The following PMM1 variants were observed in gnomAD, a reference collection of about 807,000 sequenced individuals.
The protein encoded by PMM1 is brain glucose-1,6-bisphosphatase.
A neutral mutation model predicts 34.0 loss-of-function variants in PMM1; 25 were observed. The ratio of observed to expected loss-of-function variants is 0.73; its 90% CI spans 0.54 to 1.03. The LOEUF is 1.03. Among genes scored for constraint, PMM1 ranks in the 50% least tolerant of loss-of-function variants. The pLI is 0.00. For synonymous variants in PMM1, 134 were observed against 143.9 expected (o/e 0.93, Z 0.49); for missense variants, 321 against 350.1 (o/e 0.92, Z 0.66).
chr22:41,584,872 A>G (rs1360741208), intron 2 of PMM1: 1 of 412,606 alleles, frequency 2.4e-6, no homozygotes, highest in Non-Finnish European at 4.4e-6. Context: ...CTTCCCTGCC[A>G]CTCATCCTCC....
chr22:41,584,014 G>C lies in PMM1; in HGVS notation c.419C>G (p.Pro140Arg). The C allele has an allele frequency of 6.2e-7, 1 of 1,614,050 alleles. No homozygotes were observed. The highest frequency in any genetic ancestry group is 2.2e-5 in the East Asian group (1 of 44,888). ...CTCCAGGGTGCAGCTCCGGCCGATG[G>C]GCGAGATGTTCAGCATGCCATTCCG... ...EFRNGMLNIS[P>R]IGRSCTLEER... is the part of the protein sequence containing the mutation. Residue 140 changes from proline (P) to arginine (R), a missense_variant, in exon 5 of 8, where the codon CCC becomes CGC. By Grantham distance (103) the Pro-to-Arg change is moderately radical. Transcript: ENST00000216259.
rs191113639 is a variant in PMM1 at position 41,578,896 on chromosome 22, G to C, written c.475-15C>G. On this transcript the variant is annotated splice_polypyrimidine_tract_variant and intron_variant, in intron 5 of 7. Coordinates refer to ENST00000216259, the MANE Select transcript of PMM1 (RefSeq NM_002676.3). ...ATCTTCTCTTTCTGCAGAGGGGAGG[G>C]AGCGGATGGCAGCTCAGAGGACCTG... is the stretch of plus-strand genomic sequence containing the variant. 1.2e-6 allele frequency: 2 copies of C among 1,612,544 alleles called. No individual in the cohort carries two copies. The highest frequency in any genetic ancestry group is 2.7e-5 in the African/African-American group (2 of 74,912).
At position 41,577,239 on chromosome 22, in the gene PMM1, C is replaced by CAT. The variant is rs779592739; in HGVS notation, c.*77_*78dup. On this transcript the variant is annotated 3_prime_UTR_variant, in exon 8 of 8. Coordinates refer to ENST00000216259, the MANE Select transcript of PMM1 (RefSeq NM_002676.3). Reference sequence around the variant, plus strand: ...TCCTGGGCCAGAGGAGGGGCCCTGGCATCTATCCAACACCAGGACCTCTCT... The same window carrying CAT: ...TCCTGGGCCAGAGGAGGGGCCCTGGCATATCTATCCAACACCAGGACCTCTCT... The CAT allele has an allele frequency of 7.0e-6, 11 of 1,577,816 alleles. No homozygotes were observed. The highest frequency in any genetic ancestry group is 8.7e-6 in the Non-Finnish European group (10 of 1,154,438).
In PMM1 at chr22:41,577,824, C is replaced by G. The variant is rs776025809; in HGVS notation, c.650G>C (p.Gly217Ala). ...QDSFDTIHFF[G>A]NETSPGGNDF... is the part of the protein sequence containing the mutation. ...CACACTCACAGGGCTAGTCTCGTTC[C>G]CAAAGAAGTGGATGGTGTCGAAGCT... The change falls in exon 7 of 8, where the codon GGG becomes GCG. Residue 217 changes from glycine (G) to alanine (A), a missense_variant. Gly to Ala is a moderately conservative substitution (Grantham distance 60). Coordinates refer to ENST00000216259, the MANE Select transcript of PMM1 (RefSeq NM_002676.3). 7 of 1,613,220 alleles carry G rather than the reference C, an allele frequency of 4.3e-6. No individual in the cohort carries two copies. In the East Asian group the frequency reaches 1.3e-4, roughly 31 times the overall value.
chr22:41,581,720 T>C (rs1011228365), intron 5 of PMM1, among the ~76,000 whole-genome samples: 22 of 151,976 alleles, frequency 1.4e-4, no homozygotes, highest in African/African-American at 5.3e-4. Context: ...CCGGGCACAG[T>C]GGCCACGCCT....
chr22:41,581,124 A>AC (rs1390356302), intron 5 of PMM1, among the ~76,000 whole-genome samples: 2 of 150,358 alleles, frequency 1.3e-5, no homozygotes, highest in African/African-American at 4.9e-5. Context: ...AAAAAAAAAA[A>AC]AAAAAAAAAA....
chr22:41,580,172 T>C (rs1361021474), intron 5 of PMM1: 1 of 152,284 alleles, frequency 6.6e-6, no homozygotes, highest in African/African-American at 2.4e-5. Context: ...AAGGCCAGCC[T>C]CAGCAGGGAC....
chr22:41,581,763 C>T (rs981604854), intron 5 of PMM1, among the ~76,000 whole-genome samples: 7 of 151,950 alleles, frequency 4.6e-5, no homozygotes, highest in South Asian at 2.1e-4. Flanking sequence ...CTGAGGCAGG[C>T]GGATCACGAG....
At chr22:41,589,666 G>C (rs1022287368) in intron 1 of PMM1, 53 bp downstream of exon 1, 2 of 1,468,722 alleles carry the variant, frequency 1.4e-6, no homozygotes, top group Admixed American at 3.6e-5. Context: ...ACTCAGCCTC[G>C]GGGGTGTCCG....
At position 41,577,906 on chromosome 22, in the gene PMM1, C is replaced by G. The variant is rs1443023190; in HGVS notation, c.568G>C (p.Asp190His). ...TTGTCCCAGCCCTCGGGGAAGACGT[C>G]AAAGCTGATCATGCCTCCTGTGGGC... ...RFSRGGMISF[D>H]VFPEGWDKRY... Residue 190 changes from aspartate (D) to histidine (H), a missense_variant, in exon 7 of 8, where the codon GAC becomes CAC. Transcript: ENST00000216259. The G allele has an allele frequency of 1.9e-6, 3 of 1,613,056 alleles. No homozygotes were observed. The highest frequency in any genetic ancestry group is 1.3e-5 in the African/African-American group (1 of 74,932).
At chr22:41,584,651 G>C in intron 2 of PMM1, 48 bp from the exon 3 acceptor site, 4 of 1,398,984 alleles carry the variant, frequency 2.9e-6, no homozygotes, top group Non-Finnish European at 4.0e-6. Flanking sequence ...GTGAGACCAC[G>C]TCTGTGACCC....
intron 1 of PMM1, 114 bp from the exon 2 acceptor site, chr22:41,586,307 A>T: frequency 6.5e-7 from 1 of 1,542,204 alleles, no homozygotes; most frequent in Admixed American, 2.2e-5. Context: ...CTGGATCTGA[A>T]GCAGTACAAA....
chr22:41,586,475 T>G, intron 1 of PMM1: 1 of 407,852 alleles, frequency 2.5e-6, no homozygotes, highest in Admixed American at 4.9e-5. Flanking sequence ...AAAAAAATTT[T>G]TTTGGAGACG....
At chr22:41,577,494 A>G (rs1569051748) in intron 7 of PMM1, 54 bp from the exon 8 acceptor site, 1 of 1,555,952 alleles carries the variant, frequency 6.4e-7, no homozygotes. Context: ...CCCTCTCCAC[A>G]TTGGCTGCTA....
At chr22:41,586,016 T>C in intron 2 of PMM1, 60 bp downstream of exon 2, 2 of 1,286,980 alleles carry the variant, frequency 1.6e-6, no homozygotes, top group Non-Finnish European at 2.2e-6. Context: ...ACTGGATCTT[T>C]GAAGACGCCC....
chr22:41,589,111 G>A (rs1267650645), intron 1 of PMM1: 2 of 1,304,160 alleles, frequency 1.5e-6, no homozygotes, highest in East Asian at 5.5e-5. Context: ...TCTCACATCC[G>A]GGTGGGTAGA....
chr22:41,586,962 TAAAAAAA>T lies in PMM1; in HGVS notation c.88-776_88-770del, dbSNP rs566062876. On this transcript the variant is annotated intron_variant, in intron 1 of 7. Coordinates refer to ENST00000216259, the MANE Select transcript of PMM1 (RefSeq NM_002676.3). ...GTGAAACTCTGTTTCTACTAAAAAT[TAAAAAAA>T]AAAAAAAAAAAAAATTGGCCATGCG... Among the ~76,000 whole-genome samples, 4 of 89,420 alleles carry T rather than the reference TAAAAAAA, an allele frequency of 4.5e-5. No individual in the cohort carries two copies. In the East Asian group the frequency reaches 1.4e-3, roughly 31 times the overall value. The allele number at this position is 89,420 out of a possible 152,430, so 58.7% of individuals were successfully genotyped here. A position where few individuals can be genotyped will look rare whatever the true frequency, so the allele number is the denominator to read the frequency against.
intron 1 of PMM1, 195 bp downstream of exon 1, chr22:41,589,524 C>T (rs947056525): frequency 9.9e-6 from 6 of 603,830 alleles, no homozygotes; most frequent in Non-Finnish European, 1.8e-5. Context: ...GGCAAGGACG[C>T]TGCGGGGTCA....
At chr22:41,588,543 C>T (rs1205229236) in intron 1 of PMM1, 28 of 588,526 alleles carry the variant, frequency 4.8e-5, no homozygotes, top group African/African-American at 1.2e-4. Context: ...TTAGTAGAGA[C>T]GGGGTTTCAC....
Sources: allele counts gnomAD v4.1 joint callset (sites outside exome capture counted in the v4.1 genomes callset), GRCh38; gene constraint gnomAD v4.1.1; transcripts MANE v1.5; gene names NCBI Gene and HGNC (gene_info 2026-07-23, HGNC 2026-07-21).